The following FAM222B variants were observed in gnomAD, a reference collection of about 807,000 sequenced individuals.
FAM222B encodes the protein family with sequence similarity 222 member B.
FAM222B carries 12 observed loss-of-function variants against 38.0 expected under a neutral mutation model. That is an observed-to-expected ratio of 0.32 (90% CI 0.20 to 0.51). The LOEUF is 0.51. Ranked by LOEUF, FAM222B falls within the 20% of genes least tolerant of loss-of-function variation. The probability of loss-of-function intolerance (pLI) is 0.97; values close to 1 mark genes in which losing one functional copy is unlikely to be tolerated. For synonymous variants in FAM222B, 329 were observed against 317.2 expected (o/e 1.04, Z -0.40); for missense variants, 716 against 754.2 (o/e 0.95, Z 0.59).
At chr17:28,787,504 C>T (rs774368196) in intron 1 of FAM222B, among the ~76,000 whole-genome samples, 3 of 152,158 alleles carry the variant, frequency 2.0e-5, no homozygotes, top group Admixed American at 2.0e-4. Flanking sequence ...TCACGCTCCA[C>T]ATGTCCAAGG....
chr17:28,808,421 C>T (rs2037590664), intron 1 of FAM222B, among the ~76,000 whole-genome samples: 1 of 152,168 alleles, frequency 6.6e-6, no homozygotes, highest in South Asian at 2.1e-4. Context: ...AGGACAGTAT[C>T]ATTAGAAAGA....
At chr17:28,816,936 A>C (rs1290903523) in intron 1 of FAM222B, among the ~76,000 whole-genome samples, 2 of 152,158 alleles carry the variant, frequency 1.3e-5, no homozygotes, top group African/African-American at 4.8e-5. Flanking sequence ...ACTACAGGGG[A>C]GTATAAAAAT....
intron 1 of FAM222B, among the ~76,000 whole-genome samples, chr17:28,792,112 C>T (rs1370220813): frequency 6.7e-6 from 1 of 150,248 alleles, no homozygotes; most frequent in Non-Finnish European, 1.5e-5. Flanking sequence ...GAGATCGAGA[C>T]CATCCTGGCC....
intron 1 of FAM222B, among the ~76,000 whole-genome samples, chr17:28,833,612 C>CAA (rs370065990): frequency 0.022 from 1,582 of 72,982 alleles, 38 homozygotes; most frequent in African/African-American, 0.075. Flanking sequence ...GACTTTGTCT[C>CAA]AAAAAAAAAA....
chr17:28,811,297 A>G (rs992319467), intron 1 of FAM222B, among the ~76,000 whole-genome samples: 1 of 152,212 alleles, frequency 6.6e-6, no homozygotes, highest in Admixed American at 6.5e-5. Flanking sequence ...AAAATTAGCC[A>G]GGTGTGGTGG....
chr17:28,781,592 C>T (rs1003925684), intron 1 of FAM222B, among the ~76,000 whole-genome samples: 33 of 152,164 alleles, frequency 2.2e-4, no homozygotes, highest in African/African-American at 7.2e-4. Flanking sequence ...CCCATGTTAA[C>T]TGCAGCATTA....
intron 1 of FAM222B, among the ~76,000 whole-genome samples, chr17:28,790,669 G>T (rs1265320082): frequency 6.6e-6 from 1 of 151,994 alleles, no homozygotes; most frequent in Non-Finnish European, 1.5e-5. Flanking sequence ...ATTTGAAGAG[G>T]ATCTGATAAT....
At chr17:28,847,456 T>C (rs2039152799), upstream of FAM222B, among the ~76,000 whole-genome samples, 2 of 150,742 alleles carry the variant, frequency 1.3e-5, no homozygotes, top group Non-Finnish European at 3.0e-5. Context: ...TAGCCGGGCA[T>C]TGTGGCGGAA....
At position 28,759,332 on chromosome 17, in the gene FAM222B, G is replaced by A. The variant is rs756465783; in HGVS notation, c.627C>T (p.Val209=). ...CCTGGTGAGCCAGGGCCTGAGGGTG[G>A]ACCAAGCCCTGGGTTTGGGCCATGG... ...PQPMAQTQGL[V]HPQALAHQGL... Residue 209 remains valine (V), a synonymous_variant, in exon 3 of 3, where the codon GTC becomes GTT. Transcript: ENST00000581407. This position sits in a 1 kb window ranked among gnomAD's most constrained non-coding sequence, Gnocchi z 4.8. 1.2e-4 allele frequency: 198 copies of A among 1,610,630 alleles called. No individual in the cohort carries two copies. Among genetic ancestry groups the A allele is most frequent in the Non-Finnish European group, 1.6e-4 (185 of 1,178,782 alleles).
chr17:28,769,355 G>A (rs1018726623), intron 1 of FAM222B, among the ~76,000 whole-genome samples: 8 of 151,348 alleles, frequency 5.3e-5, no homozygotes, highest in African/African-American at 1.7e-4. Flanking sequence ...ATTTTTTTTT[G>A]TATTTTTAGT....
intron 1 of FAM222B, among the ~76,000 whole-genome samples, chr17:28,775,003 A>T (rs375426266): frequency 1.2e-4 from 15 of 125,560 alleles, no homozygotes; most frequent in African/African-American, 3.6e-4. Context: ...TCTCAGCTGT[A>T]TTTTTTTTTT....
At chr17:28,830,738 C>A (rs1443049018) in intron 1 of FAM222B, among the ~76,000 whole-genome samples, 4 of 151,474 alleles carry the variant, frequency 2.6e-5, no homozygotes, top group African/African-American at 4.9e-5. Flanking sequence ...GTAGTCCCAG[C>A]ACTGTGGAAG....
intron 1 of FAM222B, among the ~76,000 whole-genome samples, chr17:28,813,936 G>A (rs112531294): frequency 3.3e-5 from 5 of 151,920 alleles, no homozygotes; most frequent in East Asian, 1.9e-4. Context: ...CTGGCCGGGC[G>A]CGGTGTGTCT....
chr17:28,837,998 G>C (rs1447509573), intron 1 of FAM222B, among the ~76,000 whole-genome samples: 5 of 152,146 alleles, frequency 3.3e-5, no homozygotes, highest in Non-Finnish European at 5.9e-5. Context: ...GGATGCAGTG[G>C]CTGACGCCTG....
chr17:28,791,864 T>C (rs563881100), intron 1 of FAM222B, among the ~76,000 whole-genome samples: 1 of 151,304 alleles, frequency 6.6e-6, no homozygotes, highest in South Asian at 2.1e-4. Flanking sequence ...TTCACCATGT[T>C]GGCTAGGCTA....
intron 1 of FAM222B, among the ~76,000 whole-genome samples, chr17:28,814,305 A>G (rs1302304396): frequency 1.3e-5 from 2 of 152,104 alleles, no homozygotes; most frequent in Non-Finnish European, 2.9e-5. Flanking sequence ...ACTCTACAAC[A>G]CTGCTTAATC....
At chr17:28,805,781 T>G (rs2037467852) in intron 1 of FAM222B, among the ~76,000 whole-genome samples, 1 of 152,186 alleles carries the variant, frequency 6.6e-6, no homozygotes, top group Admixed American at 6.5e-5. Flanking sequence ...AAACAAATTT[T>G]TCAGTAGTCT....
chr17:28,761,559 A>G (rs1269675882), intron 2 of FAM222B, among the ~76,000 whole-genome samples: 1 of 152,256 alleles, frequency 6.6e-6, no homozygotes, highest in African/African-American at 2.4e-5. Flanking sequence ...GGCATCACCT[A>G]GAACAAAGGT....
chr17:28,791,506 G>A (rs997756974), intron 1 of FAM222B, among the ~76,000 whole-genome samples: 5 of 151,786 alleles, frequency 3.3e-5, no homozygotes, highest in Non-Finnish European at 7.4e-5. Flanking sequence ...CTTCCACTGT[G>A]AGCATTCATG....
Sources: allele counts gnomAD v4.1 joint callset (sites outside exome capture counted in the v4.1 genomes callset), GRCh38; gene constraint gnomAD v4.1.1; non-coding constraint Gnocchi (gnomAD v3.1); transcripts MANE v1.5; gene names NCBI Gene and HGNC (gene_info 2026-07-23, HGNC 2026-07-21).